ADCY5: variants seen among roughly 807,000 people sequenced by gnomAD.
The protein encoded by ADCY5 is adenylate cyclase type 5.
Under a neutral mutation model 119.7 loss-of-function variants are expected in ADCY5, and 30 were observed. That is an observed-to-expected ratio of 0.25 (90% CI 0.19 to 0.34). The LOEUF (loss-of-function observed/expected upper bound fraction) is 0.34, where lower values mean the gene tolerates loss of function less well. ADCY5 is among the 10% of genes least tolerant of loss of function. The pLI is 1.00. For synonymous variants in ADCY5, 753 were observed against 762.2 expected (o/e 0.99, Z 0.20); for missense variants, 1,324 against 1,775.2 (o/e 0.75, Z 4.57).
intron 1 of ADCY5, among the ~76,000 whole-genome samples, chr3:123,359,363 T>TA (rs1943163024): frequency 7.5e-6 from 1 of 132,700 alleles, no homozygotes; most frequent in African/African-American, 2.9e-5. Flanking sequence ...TATATATATA[T>TA]TCATTATTTA....
At chr3:123,443,975 G>A (rs527509436) in intron 1 of ADCY5, among the ~76,000 whole-genome samples, 6 of 152,280 alleles carry the variant, frequency 3.9e-5, no homozygotes, top group African/African-American at 1.2e-4. Flanking sequence ...AGGGCACAAC[G>A]ATACCTTCTC....
chr3:123,352,627 C>T lies in ADCY5; in HGVS notation c.1135-46G>A, dbSNP rs76824655. On this transcript the variant is annotated intron_variant, in intron 1 of 20. Transcript: ENST00000462833. The surrounding 1 kb of genome is among the most constrained non-coding windows in gnomAD (Gnocchi z 4.8). ...ACACCTAGCTCAGATCCTGACCTTC[C>T]TGGCCCCAAAGCATGAAGCCCTCAG... The T allele has an allele frequency of 7.5e-4, 1,166 of 1,563,080 alleles. 32 individuals carry two copies. In the East Asian group the frequency reaches 0.026, roughly 35 times the overall value.
chr3:123,335,594 C>T (rs1048601236), intron 3 of ADCY5, among the ~76,000 whole-genome samples: 2 of 152,148 alleles, frequency 1.3e-5, no homozygotes, highest in Admixed American at 6.5e-5. Context: ...GATCCAACAC[C>T]CTGGCACTGT....
In ADCY5 at chr3:123,308,748, G is replaced by A. The variant is rs1940367685; in HGVS notation, c.2443-4565C>T. 2.0e-5 allele frequency among the ~76,000 whole-genome samples: 3 copies of A among 152,312 alleles called. No individual in the cohort carries two copies. In the South Asian group the frequency reaches 6.2e-4, roughly 32 times the overall value. The stretch of plus-strand genomic sequence containing the variant: ...GGAGGCTGAGGTAGGAGAATGGCGT[G>A]AACCCGGGAGGCGGAGCTTGCAGTG... On this transcript the variant is annotated intron_variant, in intron 12 of 20. Transcript: ENST00000462833.
rs769778707 is a variant in ADCY5 at position 123,360,074 on chromosome 3, A to T, written c.1135-7493T>A. Among the ~76,000 whole-genome samples, 90 of 144,914 alleles carry T rather than the reference A, an allele frequency of 6.2e-4. 3 individuals are homozygous for T. Among genetic ancestry groups the T allele is most frequent in the Non-Finnish European group, 4.1e-4 (27 of 65,730 alleles). On this transcript the variant is annotated intron_variant, in intron 1 of 20. Coordinates refer to ENST00000462833, the MANE Select transcript of ADCY5 (RefSeq NM_183357.3). The stretch of plus-strand genomic sequence containing the variant: ...TAGGTGCTTAATGTTTTTTTTTTTT[A>T]ACTATTACATATTTTTAACTGTTTT...
At chr3:123,421,473 A>T (rs1027884604) in intron 1 of ADCY5, among the ~76,000 whole-genome samples, 2 of 152,178 alleles carry the variant, frequency 1.3e-5, no homozygotes, top group African/African-American at 4.8e-5. Context: ...AGCAGCACAG[A>T]CATTATCTCA....
chr3:123,408,443 G>A (rs1944960985), intron 1 of ADCY5, among the ~76,000 whole-genome samples: 1 of 150,868 alleles, frequency 6.6e-6, no homozygotes, highest in Non-Finnish European at 1.5e-5. Context: ...GGATCACGAG[G>A]TCAGGAGTTC....
chr3:123,435,010 C>T (rs1464070060), intron 1 of ADCY5, among the ~76,000 whole-genome samples: 11 of 152,236 alleles, frequency 7.2e-5, no homozygotes, highest in Admixed American at 2.0e-4. Context: ...TGAGGCTGGG[C>T]GCAGTGGCAC....
intron 8 of ADCY5, among the ~76,000 whole-genome samples, chr3:123,323,531 C>T (rs932935000): frequency 6.6e-6 from 1 of 152,108 alleles, no homozygotes; most frequent in African/African-American, 2.4e-5. Flanking sequence ...GCCTTCCCCT[C>T]CTCCCCATCT....
intron 1 of ADCY5, among the ~76,000 whole-genome samples, chr3:123,401,358 C>G (rs2107608710): frequency 6.6e-6 from 1 of 152,290 alleles, no homozygotes; most frequent in East Asian, 1.9e-4. Flanking sequence ...CAGGGACCAG[C>G]AGAGCCCCAT....
intron 1 of ADCY5, chr3:123,416,083 C>T: frequency 2.2e-6 from 3 of 1,341,190 alleles, no homozygotes; most frequent in South Asian, 2.6e-5. Flanking sequence ...ACAGTACAGG[C>T]CCCAGGTGAG....
intron 1 of ADCY5, among the ~76,000 whole-genome samples, chr3:123,376,510 T>G (rs574227374): frequency 6.6e-6 from 1 of 152,058 alleles, no homozygotes; most frequent in Admixed American, 6.5e-5. Context: ...AAAGTGTCAT[T>G]AGAAGGAGGG....
intron 1 of ADCY5, among the ~76,000 whole-genome samples, chr3:123,445,829 A>C (rs950589567): frequency 3.9e-5 from 6 of 152,246 alleles, no homozygotes; most frequent in African/African-American, 1.4e-4. Context: ...GAGAGAATAG[A>C]GGAGGAAAAA....
At position 123,330,936 on chromosome 3, in the gene ADCY5, G is replaced by A. The variant is rs552930549; in HGVS notation, c.1599C>T (p.His533=). ...TGCCCATCTCCACACAGCAGTGGGCGTGGTCAGCCCTTGCTTCAGGCAGCC... is the reference window on the plus strand; with the variant it reads ...TGCCCATCTCCACACAGCAGTGGGCATGGTCAGCCCTTGCTTCAGGCAGCC... ...VSGLPEARAD[H]AHCCVEMGMD... The change falls in exon 5 of 21, where the codon CAC becomes CAT. Residue 533 remains histidine (H), a synonymous_variant. Transcript: ENST00000462833. 32 of 1,614,048 alleles carry A rather than the reference G, an allele frequency of 2.0e-5. No homozygotes were observed. Among genetic ancestry groups the A allele is most frequent in the Admixed American group, 6.7e-5 (4 of 60,002 alleles).
chr3:123,421,686 TG>T (rs1002455502), intron 1 of ADCY5, among the ~76,000 whole-genome samples: 9 of 152,156 alleles, frequency 5.9e-5, no homozygotes, highest in African/African-American at 1.9e-4. Context: ...ACAGGACAGA[TG>T]GAGCCCACTG....
intron 1 of ADCY5, among the ~76,000 whole-genome samples, chr3:123,443,226 G>A (rs540197535): frequency 6.6e-6 from 1 of 152,058 alleles, no homozygotes; most frequent in Non-Finnish European, 1.5e-5. Flanking sequence ...TGAAAGAGAA[G>A]AAAGGGACTC....
At chr3:123,339,943 G>A (rs747928762) in intron 3 of ADCY5, among the ~76,000 whole-genome samples, 12 of 152,142 alleles carry the variant, frequency 7.9e-5, no homozygotes, top group Non-Finnish European at 1.2e-4. Flanking sequence ...TCTCCATACT[G>A]CTCTTATTTT....
chr3:123,333,260 C>G (rs540085248), intron 3 of ADCY5, among the ~76,000 whole-genome samples: 18 of 152,390 alleles, frequency 1.2e-4, no homozygotes, highest in African/African-American at 4.3e-4. Flanking sequence ...CCTTGCCAGA[C>G]TCTGATCATG....
Position 123,327,688 on chromosome 3 carries a change from C to T in ADCY5, c.1877G>A (p.Gly626Asp). The T allele has an allele frequency of 6.2e-7, 1 of 1,614,076 alleles. No individual in the cohort carries two copies. Among genetic ancestry groups the T allele is most frequent in the Non-Finnish European group, 8.5e-7 (1 of 1,180,002 alleles). ...CTCCTTGAGGTAGGCGTTGCGCTCGCCCCCACAGCCTGGCTCCACCTCGTA... is the reference window on the plus strand; with the variant it reads ...CTCCTTGAGGTAGGCGTTGCGCTCGTCCCCACAGCCTGGCTCCACCTCGTA... Reference protein sequence around the residue: ...GDYEVEPGCGGERNAYLKEHS... With the variant: ...GDYEVEPGCGDERNAYLKEHS... Residue 626 changes from glycine to aspartate, a missense_variant, in exon 7 of 21, where the codon GGC becomes GAC. Gly to Asp is a moderately conservative substitution (Grantham distance 94, BLOSUM62 -1). Around this residue, in one of 6 missense-constraint regions of ADCY5, gnomAD observed 424 missense variants for 546.8 expected, o/e 0.78. Transcript: ENST00000462833.
Sources: gnomAD v4.1 joint callset for allele counts (sites outside exome capture counted in the v4.1 genomes callset) on GRCh38, gnomAD v4.1.1 for gene constraint, gnomAD v4.1.1 regional missense constraint, Gnocchi (gnomAD v3.1) non-coding constraint, MANE v1.5 for transcripts, NCBI Gene and HGNC (gene_info 2026-07-23, HGNC 2026-07-21) for gene names.